The following TTBK2 variants were observed in gnomAD, a reference collection of about 807,000 sequenced individuals.
TTBK2 encodes the protein tau-tubulin kinase 2.
A neutral mutation model predicts 110.8 loss-of-function variants in TTBK2; 28 were observed. The ratio of observed to expected loss-of-function variants is 0.25; its 90% CI spans 0.19 to 0.35. The LOEUF is 0.35. Among genes scored for constraint, TTBK2 ranks in the 10% least tolerant of loss-of-function variants. The pLI is 1.00. For missense variants in TTBK2, 1,369 were observed against 1,500.3 expected, an observed-to-expected ratio of 0.91 and a Z score of 1.45; for synonymous variants, 532 against 527.3, an observed-to-expected ratio of 1.01 and a Z score of -0.12.
chr15:42,751,058 C>T (rs1052661316), intron 14 of TTBK2, among the ~76,000 whole-genome samples: 1 of 152,194 alleles, frequency 6.6e-6, no homozygotes, highest in Admixed American at 6.5e-5. Flanking sequence ...CCAGACCTGT[C>T]TTGCAAGAAA....
At chr15:42,802,683 G>A (rs924408815) in intron 9 of TTBK2, among the ~76,000 whole-genome samples, 8 of 152,238 alleles carry the variant, frequency 5.3e-5, no homozygotes, top group Admixed American at 4.6e-4. Context: ...TGAGAAATGT[G>A]TCGACAGGCA....
intron 1 of TTBK2, among the ~76,000 whole-genome samples, chr15:42,916,682 G>A (rs1240611397): frequency 2.0e-5 from 3 of 152,080 alleles, no homozygotes; most frequent in African/African-American, 7.2e-5. Flanking sequence ...GCACTTGGAG[G>A]ATCAAGAAAT....
intron 13 of TTBK2, among the ~76,000 whole-genome samples, chr15:42,753,518 A>T (rs929373478): frequency 6.6e-6 from 1 of 152,158 alleles, no homozygotes; most frequent in Non-Finnish European, 1.5e-5. Flanking sequence ...ACTAATTTCT[A>T]TAGACTGCAC....
At chr15:42,895,625 C>T (rs1255975758) in intron 1 of TTBK2, among the ~76,000 whole-genome samples, 1 of 151,688 alleles carries the variant, frequency 6.6e-6, no homozygotes, top group Non-Finnish European at 1.5e-5. Context: ...GCAAGTTCCG[C>T]CTCCCGGGTT....
At chr15:42,812,704 A>C (rs2140931172) in intron 7 of TTBK2, among the ~76,000 whole-genome samples, 1 of 152,316 alleles carries the variant, frequency 6.6e-6, no homozygotes, top group East Asian at 1.9e-4. Flanking sequence ...GGATACGAAG[A>C]GTGTTTAAAA....
intron 1 of TTBK2, among the ~76,000 whole-genome samples, chr15:42,894,108 T>G (rs1396169683): frequency 6.6e-6 from 1 of 152,184 alleles, no homozygotes; most frequent in African/African-American, 2.4e-5. Flanking sequence ...TCTCATGAGA[T>G]CTGATGGTTT....
chr15:42,771,596 T>C (rs1270642896), intron 13 of TTBK2, among the ~76,000 whole-genome samples: 1 of 152,200 alleles, frequency 6.6e-6, no homozygotes, highest in East Asian at 1.9e-4. Flanking sequence ...CTAATTTAAA[T>C]TTTATTAGTG....
intron 1 of TTBK2, among the ~76,000 whole-genome samples, chr15:42,884,603 T>A (rs1895170918): frequency 6.6e-6 from 1 of 152,162 alleles, no homozygotes; most frequent in East Asian, 1.9e-4. Context: ...AACCCTGTGA[T>A]TAGAGGGCTG....
chr15:42,868,441 A>G (rs945494045), intron 3 of TTBK2, among the ~76,000 whole-genome samples: 2 of 152,164 alleles, frequency 1.3e-5, no homozygotes, highest in African/African-American at 4.8e-5. Flanking sequence ...GAGTACATGC[A>G]TGTGTGAGGG....
At chr15:42,862,980 G>A (rs2141087399) in intron 3 of TTBK2, among the ~76,000 whole-genome samples, 1 of 152,186 alleles carries the variant, frequency 6.6e-6, no homozygotes, top group Non-Finnish European at 1.5e-5. Context: ...GTAAAAGCTA[G>A]AATCATTTCC....
In TTBK2 at chr15:42,752,627, C is replaced by T. The variant is rs1167737727; in HGVS notation, c.2619G>A (p.Met873Ile). Residue 873 changes from methionine (M) to isoleucine (I), a missense_variant, in exon 14 of 15, where the codon ATG becomes ATA. Met to Ile is a conservative substitution (Grantham distance 10). This residue lies in a region of TTBK2 where 1,097 missense variants were observed against 1,114.7 expected (regional missense o/e 0.98). Transcript: ENST00000267890. ...VEGQIGQVAE[M>I]QKNKISKDDD... Reference sequence around the variant, plus strand: ...CATCCTTAGATATCTTATTTTTTTGCATTTCTGCCACTTGGCCTATCTGAC... The same window carrying T: ...CATCCTTAGATATCTTATTTTTTTGTATTTCTGCCACTTGGCCTATCTGAC... The T allele has an allele frequency of 6.2e-6, 10 of 1,613,932 alleles. No individual in the cohort carries two copies. The highest frequency in any genetic ancestry group is 7.6e-6 in the Non-Finnish European group (9 of 1,180,020).
At chr15:42,851,360 G>A (rs1165212816) in intron 3 of TTBK2, among the ~76,000 whole-genome samples, 1 of 152,100 alleles carries the variant, frequency 6.6e-6, no homozygotes, top group South Asian at 2.1e-4. Flanking sequence ...GGCAGGGGTC[G>A]GTTCAGTGTT....
At position 42,830,010 on chromosome 15, in the gene TTBK2, C is replaced by A. The variant is rs1892683494; in HGVS notation, c.360G>T (p.Arg120=). ...TAGACTCCAAAATCTGTCTACCCAG[C>A]CGGAGAGTGGTACTAATGGTGAATG... ...RGTFTISTTL[R]LGRQILESIE... Residue 120 remains arginine, a synonymous_variant, in exon 5 of 15, where the codon CGG becomes CGT. Coordinates refer to ENST00000267890, the MANE Select transcript of TTBK2 (RefSeq NM_173500.4). The A allele has an allele frequency of 1.2e-6, 2 of 1,614,070 alleles. No individual in the cohort carries two copies. The highest frequency in any genetic ancestry group is 1.7e-6 in the Non-Finnish European group (2 of 1,180,018).
chr15:42,774,220 G>A (rs1260391878), intron 13 of TTBK2, among the ~76,000 whole-genome samples: 1 of 152,228 alleles, frequency 6.6e-6, no homozygotes, highest in Non-Finnish European at 1.5e-5. Context: ...TGTTTCTGGT[G>A]AGTTGGGGGA....
intron 4 of TTBK2, among the ~76,000 whole-genome samples, chr15:42,832,028 T>C (rs912288678): frequency 6.6e-6 from 1 of 152,208 alleles, no homozygotes; most frequent in Non-Finnish European, 1.5e-5. Context: ...GATCCTTTCA[T>C]ACTTCGTACC....
intron 3 of TTBK2, among the ~76,000 whole-genome samples, chr15:42,842,748 T>C (rs928557162): frequency 4.5e-4 from 69 of 152,100 alleles, no homozygotes; most frequent in African/African-American, 1.6e-3. Flanking sequence ...CTCATTTTTT[T>C]GCACCTGTGT....
rs1291923028 is a variant in TTBK2 at position 42,745,102 on chromosome 15, T to G, written c.*693A>C. 2 of 152,796 alleles carry G rather than the reference T, an allele frequency of 1.3e-5. No individual in the cohort carries two copies. The highest frequency in any genetic ancestry group is 3.9e-4 in the East Asian group (2 of 5,168). 9.5% of individuals were successfully genotyped at this position (152,796 alleles called of 1,614,324 possible). A position where few individuals can be genotyped will look rare whatever the true frequency, so the allele number is the denominator to read the frequency against. On this transcript the variant is annotated 3_prime_UTR_variant, in exon 15 of 15. Transcript: ENST00000267890. ...AATGTAATATGTTAAGAACTCTTGC[T>G]CTAAAAAAAAAAAATCAGGGGGACC...
rs1353679824 is a variant in TTBK2 at position 42,742,905 on chromosome 15, CCAAAT to C, written c.*2885_*2889del. The C allele has an allele frequency of 1.3e-5, 2 of 152,126 alleles. No homozygotes were observed. Among genetic ancestry groups the C allele is most frequent in the Non-Finnish European group, 2.9e-5 (2 of 68,010 alleles). The allele number at this position is 152,126 out of a possible 1,614,324, so 9.4% of individuals were successfully genotyped here. ...TAAAGAACTAAAAAACACAACCAAA[CCAAAT>C]CAAACCAAAAACCTCATTCTCTGTA... On this transcript the variant is annotated 3_prime_UTR_variant, in exon 15 of 15. Transcript: ENST00000267890.
At chr15:42,801,792 C>G (rs1387577128) in intron 9 of TTBK2, 2 of 822,320 alleles carry the variant, frequency 2.4e-6, no homozygotes, top group South Asian at 1.3e-5. Flanking sequence ...CCAGCTCCAT[C>G]TTGTTCATGT....
Sources: allele counts gnomAD v4.1 joint callset (sites outside exome capture counted in the v4.1 genomes callset), GRCh38; gene constraint gnomAD v4.1.1; regional missense constraint gnomAD v4.1.1; transcripts MANE v1.5; gene names NCBI Gene and HGNC (gene_info 2026-07-23, HGNC 2026-07-21).